The following CACNA2D3 variants were observed in gnomAD, a reference collection of about 807,000 sequenced individuals.
The protein encoded by CACNA2D3 is calcium voltage-gated channel auxiliary subunit alpha2delta 3, also known as voltage-dependent calcium channel subunit alpha-2/delta-3.
CACNA2D3 carries 60 observed loss-of-function variants against 160.6 expected under a neutral mutation model. That is an observed-to-expected ratio of 0.37 (90% CI 0.30 to 0.46). CACNA2D3 has a LOEUF of 0.46. Among genes scored for constraint, CACNA2D3 ranks in the 20% least tolerant of loss-of-function variants. The probability of loss-of-function intolerance (pLI) is 1.00; values close to 1 mark genes in which losing one functional copy is unlikely to be tolerated. For synonymous variants in CACNA2D3, 558 were observed against 492.9 expected, an observed-to-expected ratio of 1.13 and a Z score of -1.75; for missense variants, 1,205 against 1,365.0, an observed-to-expected ratio of 0.88 and a Z score of 1.85.
At chr3:54,816,929 C>A (rs533192136) in intron 14 of CACNA2D3, 59 bp downstream of exon 14, 1 of 1,575,762 alleles carries the variant, frequency 6.3e-7, no homozygotes, top group South Asian at 1.1e-5. Context: ...ATGCATGCCT[C>A]CATGGTGTTG....
In CACNA2D3 at chr3:54,462,916, G is replaced by T. The variant is rs866667552; in HGVS notation, c.382-40576G>T. The stretch of plus-strand genomic sequence containing the variant: ...CATGATTTTGCAGCGGCTGGTACCG[G>T]TTGTTCCTTTCCATGTTTAGTGCTT... On this transcript the variant is annotated intron_variant, in intron 4 of 37. Transcript: ENST00000474759. Among the ~76,000 whole-genome samples, 8 of 149,470 alleles carry T rather than the reference G, an allele frequency of 5.4e-5. No individual in the cohort carries two copies. The Middle Eastern group carries it at 0.017, about 322-fold the overall frequency.
intron 27 of CACNA2D3, among the ~76,000 whole-genome samples, chr3:54,900,877 T>C (rs1231300893): frequency 1.3e-5 from 2 of 152,208 alleles, no homozygotes; most frequent in African/African-American, 2.4e-5. Context: ...GGCCTGTGTA[T>C]AATTGTATTA....
At chr3:55,057,930 C>G (rs1303509167) in intron 35 of CACNA2D3, among the ~76,000 whole-genome samples, 3 of 152,068 alleles carry the variant, frequency 2.0e-5, no homozygotes, top group African/African-American at 7.2e-5. Flanking sequence ...TCATGTAATG[C>G]AAGATGTCCA....
intron 27 of CACNA2D3, among the ~76,000 whole-genome samples, chr3:54,905,251 C>T (rs577037483): frequency 3.9e-5 from 6 of 152,270 alleles, no homozygotes; most frequent in African/African-American, 1.4e-4. Flanking sequence ...ATTTGCATAA[C>T]TCAGGGCAGT....
intron 35 of CACNA2D3, among the ~76,000 whole-genome samples, chr3:55,019,810 C>T (rs1305873359): frequency 6.6e-6 from 1 of 152,160 alleles, no homozygotes; most frequent in African/African-American, 2.4e-5. Flanking sequence ...GCAACCATGT[C>T]TCATTCCTGA....
At chr3:54,736,052 CATATGTATGTATATAT>C (rs1701504856) in intron 11 of CACNA2D3, among the ~76,000 whole-genome samples, 4 of 47,262 alleles carry the variant, frequency 8.5e-5, no homozygotes, top group Non-Finnish European at 1.7e-4. Flanking sequence ...TATACACATA[CATATGTATGTATATAT>C]ATATACATAT....
intron 2 of CACNA2D3, among the ~76,000 whole-genome samples, chr3:54,248,655 C>G (rs1702128397): frequency 6.6e-6 from 1 of 152,128 alleles, no homozygotes; most frequent in African/African-American, 2.4e-5. Context: ...GAGAGGCCAT[C>G]AGAAACCAAC....
At chr3:54,798,543 A>G (rs1474302464) in intron 13 of CACNA2D3, among the ~76,000 whole-genome samples, 2 of 152,182 alleles carry the variant, frequency 1.3e-5, no homozygotes, top group Non-Finnish European at 2.9e-5. Context: ...CTCAAAAAAA[A>G]GAATGGACCA....
intron 31 of CACNA2D3, among the ~76,000 whole-genome samples, chr3:54,988,871 A>G (rs981876501): frequency 2.0e-5 from 3 of 151,870 alleles, no homozygotes; most frequent in Admixed American, 1.3e-4. Flanking sequence ...GCAATCTCTG[A>G]CATACTTGCT....
At chr3:54,566,350 C>A (rs969924229) in intron 6 of CACNA2D3, among the ~76,000 whole-genome samples, 4 of 152,172 alleles carry the variant, frequency 2.6e-5, no homozygotes. Flanking sequence ...GTAGTGTTCT[C>A]CAGGCTCCCC....
intron 3 of CACNA2D3, among the ~76,000 whole-genome samples, chr3:54,374,257 G>A (rs1698971423): frequency 2.6e-5 from 4 of 152,170 alleles, no homozygotes; most frequent in African/African-American, 9.7e-5. Flanking sequence ...GTAATTCGTG[G>A]GAGTGTGTCT....
intron 2 of CACNA2D3, among the ~76,000 whole-genome samples, chr3:54,254,240 G>A (rs1291286257): frequency 6.6e-6 from 1 of 152,162 alleles, no homozygotes; most frequent in African/African-American, 2.4e-5. Context: ...CCAGTGGTGA[G>A]TTTGATCTCT....
chr3:55,014,995 A>G lies in CACNA2D3; in HGVS notation c.2876-3211A>G, dbSNP rs1703298653. Among the ~76,000 whole-genome samples the G allele has an allele frequency of 4.6e-5, 7 of 152,208 alleles. No individual in the cohort carries two copies. The South Asian group carries it at 1.2e-3, about 27-fold the overall frequency. On this transcript the variant is annotated intron_variant, in intron 34 of 37. Transcript: ENST00000474759. ...AATAGACCCAACGGTTTATCACTAT[A>G]TCAGCATGGAGTGCCCTACAATTGT... is the stretch of plus-strand genomic sequence containing the variant.
chr3:54,652,400 C>G (rs894516482), intron 11 of CACNA2D3, among the ~76,000 whole-genome samples: 1 of 152,120 alleles, frequency 6.6e-6, no homozygotes, highest in African/African-American at 2.4e-5. Context: ...TCACAGGTAA[C>G]CAGCAAATGA....
intron 35 of CACNA2D3, among the ~76,000 whole-genome samples, chr3:55,021,054 A>G (rs1409794650): frequency 6.6e-6 from 1 of 152,164 alleles, no homozygotes; most frequent in Non-Finnish European, 1.5e-5. Context: ...AGCATTTAAT[A>G]TAAGATGGAA....
chr3:54,689,862 T>C (rs940568587), intron 11 of CACNA2D3, among the ~76,000 whole-genome samples: 1 of 152,144 alleles, frequency 6.6e-6, no homozygotes, highest in African/African-American at 2.4e-5. Flanking sequence ...TTGTTTAAAA[T>C]GCATGTTAGC....
chr3:54,819,047 AACTCCC>A (rs1703526152), intron 14 of CACNA2D3, among the ~76,000 whole-genome samples: 2 of 88,894 alleles, frequency 2.2e-5, no homozygotes, highest in Non-Finnish European at 4.6e-5. Context: ...CCCTGCCCCC[AACTCCC>A]CTTCCCATCC....
In CACNA2D3 at chr3:54,555,510, G is replaced by A. The variant is rs567279112; in HGVS notation, c.545-7290G>A. Among the ~76,000 whole-genome samples the A allele has an allele frequency of 3.3e-5, 5 of 152,250 alleles. No individual in the cohort carries two copies. In the East Asian group the frequency reaches 9.7e-4, roughly 29 times the overall value. On this transcript the variant is annotated intron_variant, in intron 5 of 37. Coordinates refer to ENST00000474759, the MANE Select transcript of CACNA2D3 (RefSeq NM_018398.3). ...AAATGAAAAAAGAAAACTACAAAAG[G>A]AATTTGCTGCTAGGTTATAGGATGC...
intron 11 of CACNA2D3, among the ~76,000 whole-genome samples, chr3:54,690,195 C>A (rs1700547002): frequency 1.3e-5 from 2 of 152,030 alleles, no homozygotes; most frequent in South Asian, 2.1e-4. Context: ...TTCTATTGAT[C>A]TTGTCATCAG....
Sources: gnomAD v4.1 joint callset for allele counts (sites outside exome capture counted in the v4.1 genomes callset) on GRCh38, gnomAD v4.1.1 for gene constraint, MANE v1.5 for transcripts, NCBI Gene and HGNC (gene_info 2026-07-23, HGNC 2026-07-21) for gene names.